ZFYVE16: variants seen among roughly 807,000 people sequenced by gnomAD.
ZFYVE16 encodes zinc finger FYVE-type containing 16.
A neutral mutation model predicts 138.1 loss-of-function variants in ZFYVE16; 89 were observed. The ratio of observed to expected loss-of-function variants is 0.64; its 90% CI spans 0.54 to 0.77. The LOEUF (loss-of-function observed/expected upper bound fraction) is 0.77. ZFYVE16 is among the 30% of genes least tolerant of loss of function. The probability of loss-of-function intolerance (pLI) is 0.00; values close to 1 mark genes in which losing one functional copy is unlikely to be tolerated. For synonymous variants in ZFYVE16, 596 were observed against 618.3 expected (o/e 0.96, Z 0.53); for missense variants, 1,793 against 1,786.7 (o/e 1.00, Z -0.06).
chr5:80,459,121 T>C (rs1262551043), intron 14 of ZFYVE16, among the ~76,000 whole-genome samples: 1 of 152,122 alleles, frequency 6.6e-6, no homozygotes, highest in Admixed American at 6.5e-5. Context: ...AGAGACGAGG[T>C]TTCACCATGT....
At position 80,437,937 on chromosome 5, in the gene ZFYVE16, C is replaced by T; in HGVS notation, c.1252C>T (p.Gln418Ter). 6.2e-7 allele frequency: 1 copy of T among 1,613,876 alleles called. No individual in the cohort carries two copies. Among genetic ancestry groups the T allele is most frequent in the Non-Finnish European group, 8.5e-7 (1 of 1,179,866 alleles). Residue 418 changes from glutamine to a stop codon, truncating the protein, a stop_gained, in exon 4 of 19, where the codon CAG becomes TAG. Transcript: ENST00000505560. LOFTEE classifies it high-confidence loss of function. Reference sequence around the variant, plus strand: ...TGCAGTGACTATACATGAAGAAATACAGAACAGTGTTGTTCTAGGTGGGGA... The same window carrying T: ...TGCAGTGACTATACATGAAGAAATATAGAACAGTGTTGTTCTAGGTGGGGA... ...QDAVTIHEEI[Q>*]NSVVLGGEPF...
chr5:80,458,492 C>A (rs529703443), intron 14 of ZFYVE16, among the ~76,000 whole-genome samples: 11 of 152,220 alleles, frequency 7.2e-5, no homozygotes, highest in Admixed American at 1.3e-4. Flanking sequence ...CCATTCTATA[C>A]CTTGTTTTTT....
intron 15 of ZFYVE16, among the ~76,000 whole-genome samples, chr5:80,472,215 C>T (rs1406026550): frequency 6.6e-6 from 1 of 151,894 alleles, no homozygotes; most frequent in Non-Finnish European, 1.5e-5. Flanking sequence ...TAGGCTTCAC[C>T]AAACTCTTTA....
At chr5:80,414,954 C>A (rs1421273219) in intron 1 of ZFYVE16, among the ~76,000 whole-genome samples, 2 of 152,154 alleles carry the variant, frequency 1.3e-5, no homozygotes, top group Admixed American at 6.5e-5. Context: ...AAGAGTTTTT[C>A]ATTCATGTGT....
chr5:80,426,282 AT>A (rs1561246416), intron 1 of ZFYVE16, among the ~76,000 whole-genome samples: 54 of 147,972 alleles, frequency 3.6e-4, no homozygotes, highest in South Asian at 6.4e-4. Flanking sequence ...GTATATATAT[AT>A]ATATATATAT....
At chr5:80,446,323 A>T (rs1751347071) in intron 7 of ZFYVE16, among the ~76,000 whole-genome samples, 2 of 152,144 alleles carry the variant, frequency 1.3e-5, no homozygotes, top group South Asian at 4.1e-4. Flanking sequence ...CCTATTGATA[A>T]TTACTATATT....
At chr5:80,474,900 T>C in intron 18 of ZFYVE16, 70 bp downstream of exon 18, 1 of 1,512,870 alleles carries the variant, frequency 6.6e-7, no homozygotes, top group Non-Finnish European at 8.9e-7. Flanking sequence ...TCTTCAACCT[T>C]TTATTTTGGG....
At chr5:80,450,229 G>T (rs1026338123) in intron 9 of ZFYVE16, among the ~76,000 whole-genome samples, 1 of 149,922 alleles carries the variant, frequency 6.7e-6, no homozygotes. Context: ...TTTTATTTTA[G>T]TGTTATTTAT....
At chr5:80,432,845 T>A in intron 2 of ZFYVE16, among the ~76,000 whole-genome samples, 1 of 152,176 alleles carries the variant, frequency 6.6e-6, no homozygotes, top group Non-Finnish European at 1.5e-5. Flanking sequence ...GAAAAAATGC[T>A]CATCATCACT....
chr5:80,466,491 A>G (rs1753765740), intron 15 of ZFYVE16, among the ~76,000 whole-genome samples: 1 of 152,176 alleles, frequency 6.6e-6, no homozygotes, highest in South Asian at 2.1e-4. Context: ...TTGGTTAGAC[A>G]TCATTCTCAT....
At chr5:80,464,926 CTT>C (rs1753518997) in intron 15 of ZFYVE16, among the ~76,000 whole-genome samples, 1 of 152,160 alleles carries the variant, frequency 6.6e-6, no homozygotes, top group Non-Finnish European at 1.5e-5. Context: ...TATATAAAAA[CTT>C]TACTCCTGTT....
chr5:80,450,347 T>G (rs2112450770), intron 9 of ZFYVE16, 84 bp from the exon 10 acceptor site: 1 of 1,377,226 alleles, frequency 7.3e-7, no homozygotes, highest in South Asian at 1.3e-5. Context: ...ATTTGAAAAG[T>G]TATGTTAAAT....
intron 2 of ZFYVE16, among the ~76,000 whole-genome samples, chr5:80,430,117 C>G (rs1748770785): frequency 6.6e-6 from 1 of 152,190 alleles, no homozygotes; most frequent in Non-Finnish European, 1.5e-5. Flanking sequence ...ACTCTCCACC[C>G]CAAATCAACA....
chr5:80,455,748 G>A lies in ZFYVE16; in HGVS notation c.3664G>A (p.Gly1222Arg). ...CCGAAAACCTCTTTTTGGAGAAATA[G>A]GACACACTATTATGAACTTACTTGT... ...RGRKPLFGEI[G>R]HTIMNLLVDL... The change falls in exon 12 of 19, where the codon GGA (glycine) becomes AGA (arginine). Residue 1222 changes from glycine (G) to arginine (R), a missense_variant. This residue lies in a region of ZFYVE16 where 498 missense variants were observed against 582.4 expected (regional missense o/e 0.86). Coordinates refer to ENST00000505560, the MANE Select transcript of ZFYVE16 (RefSeq NM_001284236.3). 1 of 1,590,224 alleles carries A rather than the reference G, an allele frequency of 6.3e-7. No individual in the cohort carries two copies. The highest frequency in any genetic ancestry group is 8.5e-7 in the Non-Finnish European group (1 of 1,173,696).
intron 1 of ZFYVE16, among the ~76,000 whole-genome samples, chr5:80,422,433 C>T (rs1747352132): frequency 6.6e-6 from 1 of 152,090 alleles, no homozygotes; most frequent in Admixed American, 6.6e-5. Context: ...GAGTTTTTCT[C>T]ATGAATGTAT....
At chr5:80,473,029 C>G in intron 16 of ZFYVE16, 106 bp downstream of exon 16, 2 of 1,051,356 alleles carry the variant, frequency 1.9e-6, no homozygotes, top group Middle Eastern at 3.3e-4. Flanking sequence ...TATACTTATA[C>G]CATCAATTTA....
rs755628867 is a variant in ZFYVE16 at position 80,419,058 on chromosome 5, G to A, written c.-93-8434G>A. Among the ~76,000 whole-genome samples, 226 of 150,230 alleles carry A rather than the reference G, an allele frequency of 1.5e-3. 8 individuals carry two copies. Among genetic ancestry groups the A allele is most frequent in the South Asian group, 8.4e-4 (4 of 4,770 alleles). On this transcript the variant is annotated intron_variant, in intron 1 of 18. Transcript: ENST00000505560. The stretch of plus-strand genomic sequence containing the variant: ...TGCCTTTGCTCCTTTGTCAAAGATC[G>A]GTGTGGGTTTTTTTTTTTTGGGGGG...
chr5:80,411,589 A>T (rs1231968838), intron 1 of ZFYVE16: 2 of 152,146 alleles, frequency 1.3e-5, no homozygotes, highest in African/African-American at 4.8e-5. Flanking sequence ...ATGAGTTGTG[A>T]TCTTTAGTTA....
intron 1 of ZFYVE16, among the ~76,000 whole-genome samples, chr5:80,420,061 T>C (rs1483168480): frequency 6.6e-6 from 1 of 150,738 alleles, no homozygotes; most frequent in Non-Finnish European, 1.5e-5. Flanking sequence ...CTGCCCACCT[T>C]GGCCCCCCAA....
Sources: gnomAD v4.1 joint callset for allele counts (sites outside exome capture counted in the v4.1 genomes callset) on GRCh38, gnomAD v4.1.1 for gene constraint, gnomAD v4.1.1 regional missense constraint, MANE v1.5 for transcripts, NCBI Gene and HGNC (gene_info 2026-07-23, HGNC 2026-07-21) for gene names.